The following WDR17 variants were observed in gnomAD, a reference collection of about 807,000 sequenced individuals.
WDR17 encodes WD repeat-containing protein 17.
WDR17 carries 143 observed loss-of-function variants against 161.7 expected under a neutral mutation model. The ratio of observed to expected loss-of-function variants is 0.88; its 90% CI spans 0.77 to 1.02. The LOEUF (loss-of-function observed/expected upper bound fraction) is 1.02, where lower values mean the gene tolerates loss of function less well. Ranked by LOEUF, WDR17 falls within the 50% of genes least tolerant of loss-of-function variation. The pLI, the probability that WDR17 is intolerant of heterozygous loss-of-function variation, is 0.00. For synonymous variants in WDR17, 517 were observed against 515.6 expected, an observed-to-expected ratio of 1.00 and a Z score of -0.04; for missense variants, 1,469 against 1,520.9, an observed-to-expected ratio of 0.97 and a Z score of 0.57.
At chr4:176,177,845 A>G (rs1041635250) in intron 28 of WDR17, among the ~76,000 whole-genome samples, 191 bp downstream of exon 28, 11 of 151,992 alleles carry the variant, frequency 7.2e-5, no homozygotes, top group Middle Eastern at 3.4e-3. Flanking sequence ...AAATTCAAAT[A>G]CAAGCATTGT....
At chr4:176,132,203 A>G (rs1047563333) in intron 7 of WDR17, among the ~76,000 whole-genome samples, 5 of 152,082 alleles carry the variant, frequency 3.3e-5, no homozygotes, top group Non-Finnish European at 4.4e-5. Flanking sequence ...AAGCCCCTAT[A>G]TAAGATAGAA....
intron 22 of WDR17, among the ~76,000 whole-genome samples, chr4:176,167,637 T>A (rs1579248369): frequency 3.0e-5 from 2 of 66,052 alleles, no homozygotes; most frequent in Admixed American, 2.6e-4. Context: ...ACAGCGAGAC[T>A]CCGTCTCAAA....
At chr4:176,088,798 A>G (rs2126619336) in intron 1 of WDR17, among the ~76,000 whole-genome samples, 1 of 152,222 alleles carries the variant, frequency 6.6e-6, no homozygotes, top group South Asian at 2.1e-4. Flanking sequence ...TTCCTGTCCC[A>G]TGATGGGGAT....
At position 176,128,835 on chromosome 4, in the gene WDR17, A is replaced by G; in HGVS notation, c.888A>G (p.Val296=). 6.3e-7 allele frequency: 1 copy of G among 1,581,196 alleles called. No homozygotes were observed. The highest frequency in any genetic ancestry group is 8.6e-7 in the Non-Finnish European group (1 of 1,168,220). Residue 296 remains valine, a synonymous_variant, in exon 6 of 29, where the codon GTA becomes GTG. Coordinates refer to ENST00000508596, the MANE Select transcript of WDR17 (RefSeq NM_181265.4). ...AAACAGGATTTCACTGCTTACATGTACTTAATTCTCCTCCAAGAAAAAAGT... is the reference window on the plus strand; with the variant it reads ...AAACAGGATTTCACTGCTTACATGTGCTTAATTCTCCTCCAAGAAAAAAGT... The part of the protein sequence containing the change: ...LKKTGFHCLH[V]LNSPPRKKFS...
At chr4:176,150,941 T>A (rs1471645) in intron 16 of WDR17, among the ~76,000 whole-genome samples, 103,597 of 152,056 alleles carry the variant, frequency 0.68, 35,600 homozygotes, top group South Asian at 0.72. Flanking sequence ...TGTTTTATAA[T>A]AAATGATCAT....
At chr4:176,172,348 ATTG>A in intron 23 of WDR17, 24 bp from the exon 24 acceptor site, 1 of 1,593,822 alleles carries the variant, frequency 6.3e-7, no homozygotes, top group Non-Finnish European at 8.5e-7. Context: ...TTTTAGTAAC[ATTG>A]TTTTCAAATC....
rs1276184746 is a variant in WDR17, at chr4:176,179,481, G to T, written c.3754G>T (p.Asp1252Tyr). 6.3e-7 allele frequency: 1 copy of T among 1,599,552 alleles called. No individual in the cohort carries two copies. Among genetic ancestry groups the T allele is most frequent in the Non-Finnish European group, 8.5e-7 (1 of 1,172,030 alleles). ...KIQGPVFFLE[D>Y]GKSAISLNDA... ...GCAGGGCCCTGTGTTTTTCCTTGAA[G>T]ACGGGAAATCTGCTATCTCCTTGAA... Residue 1252 changes from aspartate to tyrosine, a missense_variant, in exon 29 of 29, where the codon GAC becomes TAC. Physicochemically the swap from Asp to Tyr is radical, Grantham distance 160. Coordinates refer to ENST00000508596, the MANE Select transcript of WDR17 (RefSeq NM_181265.4).
intron 1 of WDR17, among the ~76,000 whole-genome samples, chr4:176,082,411 G>A (rs997758826): frequency 2.0e-5 from 3 of 151,916 alleles, no homozygotes; most frequent in African/African-American, 4.8e-5. Flanking sequence ...TGAGAATTTC[G>A]CTTTGTAAAA....
intron 5 of WDR17, among the ~76,000 whole-genome samples, chr4:176,127,886 A>G (rs1017084778): frequency 6.6e-6 from 1 of 152,214 alleles, no homozygotes; most frequent in Non-Finnish European, 1.5e-5. Context: ...GACATTTCAT[A>G]TAAATGGAAC....
chr4:176,142,169 C>A, intron 11 of WDR17, 100 bp downstream of exon 11: 1 of 846,854 alleles, frequency 1.2e-6, no homozygotes, highest in East Asian at 2.6e-5. Flanking sequence ...ATCTATCACT[C>A]TATTTATACA....
chr4:176,122,756 T>C (rs1741810587), intron 4 of WDR17, among the ~76,000 whole-genome samples: 1 of 152,174 alleles, frequency 6.6e-6, no homozygotes, highest in African/African-American at 2.4e-5. Flanking sequence ...ATGACCTCAA[T>C]ATCTCTGTTG....
intron 1 of WDR17, chr4:176,096,611 G>T (rs757024244): frequency 2.0e-6 from 3 of 1,530,854 alleles, no homozygotes; most frequent in Non-Finnish European, 2.7e-6. Flanking sequence ...TTGTAATTAC[G>T]ATTTCCTGCG....
At chr4:176,113,612 T>C (rs541262026) in intron 2 of WDR17, among the ~76,000 whole-genome samples, 49 of 152,154 alleles carry the variant, frequency 3.2e-4, no homozygotes, top group African/African-American at 1.1e-3. Context: ...ATGAAATTTA[T>C]GTTAATAAGT....
At chr4:176,155,523 G>GT (rs1325528314) in intron 17 of WDR17, among the ~76,000 whole-genome samples, 1 of 112,440 alleles carries the variant, frequency 8.9e-6, no homozygotes, top group African/African-American at 3.3e-5. Context: ...TTTTTACTTT[G>GT]TTTTTTTGTT....
intron 23 of WDR17, among the ~76,000 whole-genome samples, chr4:176,170,720 C>CTAAAAGG (rs1750603944): frequency 6.6e-6 from 1 of 152,222 alleles, no homozygotes; most frequent in African/African-American, 2.4e-5. Flanking sequence ...CTCGTCTTTT[C>CTAAAAGG]ATCACACATT....
intron 3 of WDR17, among the ~76,000 whole-genome samples, chr4:176,117,764 A>G (rs562425767): frequency 6.6e-6 from 1 of 152,250 alleles, no homozygotes; most frequent in East Asian, 1.9e-4. Flanking sequence ...GAAAATTTTC[A>G]GCTATCAATA....
rs371034127 is a variant in WDR17, at chr4:176,096,538, A to G, written c.-6-15037A>G. 2.9e-5 allele frequency: 47 copies of G among 1,601,252 alleles called. No homozygotes were observed. The East Asian group carries it at 5.5e-4, about 19-fold the overall frequency. ...ACATTCTATGGCTTGGATGACTTAC[A>G]TTTCAAATTGGTTTGAGCAAGATGA... is the stretch of plus-strand genomic sequence containing the variant. On this transcript the variant is annotated intron_variant, in intron 1 of 28. Coordinates refer to ENST00000508596, the MANE Select transcript of WDR17 (RefSeq NM_181265.4).
intron 7 of WDR17, among the ~76,000 whole-genome samples, chr4:176,133,222 C>T (rs565539587): frequency 1.7e-5 from 2 of 114,536 alleles, no homozygotes; most frequent in African/African-American, 6.8e-5. Context: ...TAATTACAAG[C>T]AAAGTCCTCT....
At chr4:176,162,279 C>T in intron 21 of WDR17, 105 bp downstream of exon 21, 1 of 969,524 alleles carries the variant, frequency 1.0e-6, no homozygotes, top group Non-Finnish European at 1.5e-6. Flanking sequence ...TCTGGTTTTG[C>T]ATGTCTTCGA....
Sources: gnomAD v4.1 joint callset for allele counts (sites outside exome capture counted in the v4.1 genomes callset) on GRCh38, gnomAD v4.1.1 for gene constraint, MANE v1.5 for transcripts, NCBI Gene and HGNC (gene_info 2026-07-23, HGNC 2026-07-21) for gene names.